Variants in WDPCP observed in about 807,000 individuals in gnomAD.
WDPCP encodes WD repeat-containing and planar cell polarity effector protein fritz homolog.
A neutral mutation model predicts 93.1 loss-of-function variants in WDPCP; 71 were observed. The observed-to-expected ratio is 0.76, with a 90% CI of 0.63 to 0.93. The LOEUF is 0.93. WDPCP is among the 40% of genes least tolerant of loss of function. The pLI, the probability that WDPCP is intolerant of heterozygous loss-of-function variation, is 0.00. For missense variants in WDPCP, 844 were observed against 887.4 expected (o/e 0.95, Z 0.62); for synonymous variants, 315 against 315.0 (o/e 1.00, Z 0.00).
chr2:63,607,686 C>G (rs1051382328), intron 3 of WDPCP, among the ~76,000 whole-genome samples: 2 of 151,808 alleles, frequency 1.3e-5, no homozygotes, highest in Non-Finnish European at 2.9e-5. Context: ...AAAAATTAGC[C>G]AGGCGTGGTG....
intron 2 of WDPCP, among the ~76,000 whole-genome samples, chr2:63,788,205 G>T (rs892946731): frequency 2.0e-5 from 3 of 151,864 alleles, no homozygotes; most frequent in African/African-American, 7.3e-5. Context: ...CAAGACACAC[G>T]TACAAACAAG....
intron 12 of WDPCP, among the ~76,000 whole-genome samples, chr2:63,363,083 ATAAT>A (rs1273633551): frequency 3.3e-5 from 5 of 152,256 alleles, no homozygotes; most frequent in African/African-American, 1.2e-4. Context: ...TATGGACAAA[ATAAT>A]TATTCTTGTT....
chr2:63,707,443 T>C (rs1324949474), intron 2 of WDPCP, among the ~76,000 whole-genome samples: 1 of 152,252 alleles, frequency 6.6e-6, no homozygotes, highest in Non-Finnish European at 1.5e-5. Context: ...TGTGCATTCG[T>C]CACGTAGATC....
intron 3 of WDPCP, among the ~76,000 whole-genome samples, chr2:63,626,477 T>C (rs1709812460): frequency 6.6e-6 from 1 of 152,068 alleles, no homozygotes; most frequent in South Asian, 2.1e-4. Flanking sequence ...ACAAAGAACT[T>C]AAACAAATTT....
chr2:63,310,962 A>C (rs1221471562), intron 13 of WDPCP, among the ~76,000 whole-genome samples: 1 of 152,098 alleles, frequency 6.6e-6, no homozygotes, highest in African/African-American at 2.4e-5. Context: ...TGATAATATC[A>C]CTCTTCTATT....
chr2:63,763,459 G>A (rs979469812), intron 2 of WDPCP, among the ~76,000 whole-genome samples: 3 of 146,964 alleles, frequency 2.0e-5, no homozygotes, highest in African/African-American at 7.6e-5. Context: ...CCGAGATTGC[G>A]CCACTGCATT....
intron 12 of WDPCP, chr2:63,369,559 A>G: frequency 2.2e-6 from 1 of 455,952 alleles, no homozygotes; most frequent in East Asian, 7.0e-5. Flanking sequence ...ATTTGGGCAG[A>G]AAACACATTT....
chr2:63,825,255 C>T (rs966030151), intron 1 of WDPCP, among the ~76,000 whole-genome samples: 1 of 152,070 alleles, frequency 6.6e-6, no homozygotes, highest in East Asian at 1.9e-4. Context: ...GGCCACTCTG[C>T]CTCGCTAGTG....
intron 1 of WDPCP, among the ~76,000 whole-genome samples, chr2:63,581,359 G>A (rs906517487): frequency 2.6e-5 from 4 of 152,122 alleles, no homozygotes; most frequent in Non-Finnish European, 4.4e-5. Flanking sequence ...AGAGGGTTCC[G>A]CTTGAGAATT....
At chr2:63,268,509 C>A (rs1479908727) in intron 13 of WDPCP, among the ~76,000 whole-genome samples, 1 of 152,092 alleles carries the variant, frequency 6.6e-6, no homozygotes, top group East Asian at 1.9e-4. Context: ...CTCTGTCACC[C>A]AGGCTGCAGT....
chr2:63,587,770 G>T (rs926280895), intron 1 of WDPCP, among the ~76,000 whole-genome samples: 1 of 152,182 alleles, frequency 6.6e-6, no homozygotes, highest in Admixed American at 6.5e-5. Context: ...CCCTTCAGTC[G>T]CCAGTCTTTC....
At chr2:63,619,426 T>A (rs1709708088) in intron 3 of WDPCP, among the ~76,000 whole-genome samples, 1 of 152,238 alleles carries the variant, frequency 6.6e-6, no homozygotes, top group African/African-American at 2.4e-5. Flanking sequence ...AAAATGAGCC[T>A]TCCTCTTCAA....
chr2:63,509,063 C>T (rs903331771), intron 1 of WDPCP, among the ~76,000 whole-genome samples: 6 of 152,198 alleles, frequency 3.9e-5, no homozygotes, highest in African/African-American at 1.4e-4. Context: ...GACTTGAACT[C>T]ACCTCTGGAC....
chr2:63,840,661 G>T, the WDPCP span, among the ~76,000 whole-genome samples: 5 of 152,212 alleles, frequency 3.3e-5, no homozygotes, highest in Non-Finnish European at 5.9e-5. Flanking sequence ...GGCTCTATCC[G>T]CAGGGCTTTC....
intron 10 of WDPCP, among the ~76,000 whole-genome samples, chr2:63,400,610 T>C (rs1018730607): frequency 6.6e-6 from 1 of 152,120 alleles, no homozygotes; most frequent in Admixed American, 6.6e-5. Flanking sequence ...AAAACTACCA[T>C]TGACATTCTT....
chr2:63,458,538 G>C (rs187837164), intron 6 of WDPCP, among the ~76,000 whole-genome samples: 2 of 152,214 alleles, frequency 1.3e-5, no homozygotes, highest in African/African-American at 4.8e-5. Context: ...AACTAATTTA[G>C]TGAAAGATCT....
At chr2:63,355,969 A>AGGT (rs1223845199) in intron 12 of WDPCP, among the ~76,000 whole-genome samples, 2 of 152,210 alleles carry the variant, frequency 1.3e-5, no homozygotes, top group Non-Finnish European at 2.9e-5. Flanking sequence ...ACTTTTTAAA[A>AGGT]GGTACAATGT....
At chr2:63,642,134 G>A (rs144452684) in intron 3 of WDPCP, among the ~76,000 whole-genome samples, 121 of 152,138 alleles carry the variant, frequency 8.0e-4, no homozygotes, top group African/African-American at 2.8e-3. Flanking sequence ...TGTTCCACTG[G>A]TTTATATGTC....
intron 13 of WDPCP, among the ~76,000 whole-genome samples, chr2:63,304,639 G>T (rs181003349): frequency 2.0e-5 from 3 of 152,298 alleles, no homozygotes; most frequent in African/African-American, 7.2e-5. Flanking sequence ...TACACCACCA[G>T]GGCCCTGGGT....
Sources: gnomAD v4.1 joint callset for allele counts (sites outside exome capture counted in the v4.1 genomes callset) on GRCh38, gnomAD v4.1.1 for gene constraint, MANE v1.5 for transcripts, NCBI Gene and HGNC (gene_info 2026-07-23, HGNC 2026-07-21) for gene names.